RIMS2: variants seen among roughly 807,000 people sequenced by gnomAD.
RIMS2 encodes regulating synaptic membrane exocytosis protein 2.
Under a neutral mutation model 174.4 loss-of-function variants are expected in RIMS2, and 59 were observed. That is an observed-to-expected ratio of 0.34 (90% CI 0.27 to 0.42). The LOEUF (loss-of-function observed/expected upper bound fraction) is 0.42. Ranked by LOEUF, RIMS2 falls within the 10% of genes least tolerant of loss-of-function variation. The probability of loss-of-function intolerance (pLI) is 1.00; values close to 1 mark genes in which losing one functional copy is unlikely to be tolerated. For synonymous variants in RIMS2, 606 were observed against 572.5 expected (o/e 1.06, Z -0.84); for missense variants, 1,620 against 1,666.3 (o/e 0.97, Z 0.48).
chr8:103,545,594 A>G (rs1844664231), intron 1 of RIMS2, among the ~76,000 whole-genome samples: 1 of 152,214 alleles, frequency 6.6e-6, no homozygotes, highest in African/African-American at 2.4e-5. Flanking sequence ...CAAGGTCGAA[A>G]TGAAAGAAAA....
At chr8:103,722,717 G>A (rs1184538690) in intron 2 of RIMS2, among the ~76,000 whole-genome samples, 1 of 152,146 alleles carries the variant, frequency 6.6e-6, no homozygotes, top group Non-Finnish European at 1.5e-5. Flanking sequence ...TCTGTTGGGG[G>A]TATCCTTGAT....
intron 1 of RIMS2, among the ~76,000 whole-genome samples, chr8:103,657,205 C>T (rs1428515718): frequency 3.3e-5 from 5 of 152,154 alleles, no homozygotes; most frequent in African/African-American, 1.2e-4. Flanking sequence ...TCACTAAAGA[C>T]CAAAACCTAT....
At chr8:104,237,558 G>T (rs905820475) in intron 19 of RIMS2, among the ~76,000 whole-genome samples, 1 of 152,066 alleles carries the variant, frequency 6.6e-6, no homozygotes, top group Non-Finnish European at 1.5e-5. Flanking sequence ...GAATATACAT[G>T]AATAGACCTA....
intron 19 of RIMS2, among the ~76,000 whole-genome samples, chr8:104,244,397 C>A (rs1396455511): frequency 6.6e-6 from 1 of 150,944 alleles, no homozygotes; most frequent in Non-Finnish European, 1.5e-5. Flanking sequence ...ATATCTATCA[C>A]CCTACAAAAA....
At chr8:104,182,726 C>T (rs1286969251) in intron 19 of RIMS2, among the ~76,000 whole-genome samples, 1 of 151,692 alleles carries the variant, frequency 6.6e-6, no homozygotes, top group Admixed American at 6.6e-5. Context: ...GCTCAGTTGC[C>T]ATGTGTGACT....
At chr8:104,183,101 C>T (rs938241507) in intron 19 of RIMS2, among the ~76,000 whole-genome samples, 1 of 151,736 alleles carries the variant, frequency 6.6e-6, no homozygotes, top group East Asian at 1.9e-4. Flanking sequence ...CTGTATTCTG[C>T]TCTGCCTGAT....
intron 1 of RIMS2, among the ~76,000 whole-genome samples, chr8:103,688,744 C>A (rs2096973623): frequency 6.6e-6 from 1 of 151,890 alleles, no homozygotes; most frequent in African/African-American, 2.4e-5. Flanking sequence ...TTAATGTCTC[C>A]TCTTTAATGC....
chr8:103,578,299 GCAGGTGGATCATTTGAAGT>G (rs930617257), intron 1 of RIMS2, among the ~76,000 whole-genome samples: 1 of 152,148 alleles, frequency 6.6e-6, no homozygotes, highest in Non-Finnish European at 1.5e-5. Context: ...GGAGGCCGAG[GCAGGTGGATCATTTGAAGT>G]CAGGAGTTCA....
intron 19 of RIMS2, among the ~76,000 whole-genome samples, chr8:104,178,495 C>T (rs887774603): frequency 6.6e-5 from 10 of 152,214 alleles, no homozygotes; most frequent in African/African-American, 1.9e-4. Context: ...TCCCGCCTTC[C>T]TCTTTTAAGG....
chr8:103,650,819 G>T (rs11779973), intron 1 of RIMS2, among the ~76,000 whole-genome samples: 17,664 of 152,196 alleles, frequency 0.12, 1,367 homozygotes, highest in Non-Finnish European at 0.17. Flanking sequence ...ATCCCCCTGG[G>T]AACTCAGTCC....
intron 19 of RIMS2, among the ~76,000 whole-genome samples, chr8:104,129,539 G>C (rs990861777): frequency 6.6e-6 from 1 of 152,246 alleles, no homozygotes; most frequent in Non-Finnish European, 1.5e-5. Flanking sequence ...GAAGGAGGAA[G>C]CTGTGCCAGA....
intron 3 of RIMS2, among the ~76,000 whole-genome samples, chr8:103,813,057 A>T (rs1231010631): frequency 6.6e-6 from 1 of 152,322 alleles, no homozygotes; most frequent in Admixed American, 6.5e-5. Context: ...GATTTTTGTT[A>T]TAGATGATAC....
chr8:104,236,135 T>C (rs2099257303), intron 19 of RIMS2, among the ~76,000 whole-genome samples: 1 of 151,950 alleles, frequency 6.6e-6, no homozygotes, highest in Non-Finnish European at 1.5e-5. Context: ...CCTAGGGATG[T>C]GATTACATTG....
chr8:103,522,904 G>A (rs1449990931), intron 1 of RIMS2, among the ~76,000 whole-genome samples: 1 of 152,118 alleles, frequency 6.6e-6, no homozygotes, highest in Non-Finnish European at 1.5e-5. Context: ...GTAGGTGTAA[G>A]TAATGAATTA....
intron 1 of RIMS2, among the ~76,000 whole-genome samples, chr8:103,570,390 A>G (rs75117899): frequency 0.065 from 9,957 of 152,214 alleles, 400 homozygotes; most frequent in South Asian, 0.088. Flanking sequence ...TCAAAAGGCA[A>G]TTTTTTGAGT....
At chr8:103,819,209 A>G in intron 3 of RIMS2, 1 of 1,210,992 alleles carries the variant, frequency 8.3e-7, no homozygotes, top group African/African-American at 1.6e-5. Flanking sequence ...ACATGAAAGC[A>G]GCTCAGCTTC....
intron 19 of RIMS2, among the ~76,000 whole-genome samples, chr8:104,143,316 G>A (rs16871008): frequency 0.077 from 11,647 of 152,168 alleles, 1,355 homozygotes; most frequent in African/African-American, 0.25. Flanking sequence ...CCACATTTTA[G>A]GAAAGGAATG....
intron 2 of RIMS2, among the ~76,000 whole-genome samples, chr8:103,699,916 C>A (rs1221737773): frequency 6.6e-6 from 1 of 152,022 alleles, no homozygotes; most frequent in Non-Finnish European, 1.5e-5. Context: ...TTCTAATTTA[C>A]CTCTCTCGTG....
intron 19 of RIMS2, among the ~76,000 whole-genome samples, chr8:104,025,739 G>A (rs900567014): frequency 1.5e-5 from 2 of 133,138 alleles, no homozygotes; most frequent in Non-Finnish European, 3.5e-5. Context: ...ACACAGTAAT[G>A]TACCACATAA....
Sources: gnomAD v4.1 joint callset for allele counts (sites outside exome capture counted in the v4.1 genomes callset) on GRCh38, gnomAD v4.1.1 for gene constraint, MANE v1.5 for transcripts, NCBI Gene and HGNC (gene_info 2026-07-23, HGNC 2026-07-21) for gene names.